Variants in RUVBL1 observed in about 807,000 individuals in gnomAD.
RUVBL1 encodes the protein RuvB like AAA ATPase 1, also known as ruvB-like 1.
RUVBL1 carries 4 observed loss-of-function variants against 52.4 expected under a neutral mutation model. The observed-to-expected ratio is 0.08, with a 90% CI of 0.04 to 0.17. The LOEUF (loss-of-function observed/expected upper bound fraction) is 0.17. Ranked by LOEUF, RUVBL1 falls within the 10% of genes least tolerant of loss-of-function variation. The pLI is 1.00. For missense variants in RUVBL1, 298 were observed against 572.8 expected (o/e 0.52, Z 4.90); for synonymous variants, 217 against 214.4 (o/e 1.01, Z -0.10).
intron 9 of RUVBL1, 29 bp downstream of exon 9, chr3:128,087,677 G>C (rs767286704): frequency 7.1e-6 from 11 of 1,556,738 alleles, no homozygotes; most frequent in Middle Eastern, 1.8e-4. Flanking sequence ...AATGAGAGAA[G>C]AGAGCAGGAG....
intron 1 of RUVBL1, among the ~76,000 whole-genome samples, chr3:128,147,422 C>T (rs1049013771): frequency 4.6e-5 from 7 of 152,150 alleles, no homozygotes; most frequent in Non-Finnish European, 1.0e-4. Context: ...CATAATGAGA[C>T]TCCATCTTTA....
intron 1 of RUVBL1, among the ~76,000 whole-genome samples, chr3:128,140,062 C>T (rs938110146): frequency 5.1e-4 from 78 of 151,748 alleles, no homozygotes; most frequent in African/African-American, 1.8e-3. Context: ...AAATTATGTA[C>T]GCTTGAAATG....
intron 1 of RUVBL1, among the ~76,000 whole-genome samples, chr3:128,150,712 CTA>C (rs1195050060): frequency 1.8e-4 from 20 of 113,242 alleles, no homozygotes; most frequent in African/African-American, 2.4e-4. Flanking sequence ...TATATATATT[CTA>C]TATATTATAT....
At position 128,082,104 on chromosome 3, in the gene RUVBL1, TA is replaced by T. The variant is rs1002181727; in HGVS notation, c.1211+378del. The T allele has an allele frequency of 1.7e-5, 3 of 179,340 alleles. No individual in the cohort carries two copies. The highest frequency in any genetic ancestry group is 3.6e-5 in the Non-Finnish European group (3 of 84,452). 11.1% of individuals were successfully genotyped at this position (179,340 alleles called of 1,614,324 possible). ...TGATGGTTAAATAAATCAAAAAAGT[TA>T]AAGATTTACCAGGCCTCATAACACC... On this transcript the variant is annotated intron_variant, in intron 10 of 10. Transcript: ENST00000322623. This position sits in a 1 kb window ranked among gnomAD's most constrained non-coding sequence, Gnocchi z 4.7.
At chr3:128,071,132 T>C (rs1266915904) in intron 9 of RUVBL1, 1 of 152,324 alleles carries the variant, frequency 6.6e-6, no homozygotes, top group Non-Finnish European at 1.5e-5. Context: ...TCTGGAGACC[T>C]TGCTGGCAGT....
Position 128,113,784 on chromosome 3 carries a change from T to C in RUVBL1, c.229-764A>G, listed in dbSNP as rs143171180. 1.1e-4 allele frequency among the ~76,000 whole-genome samples: 16 copies of C among 152,346 alleles called. 1 individual carries two copies. The highest frequency in any genetic ancestry group is 7.7e-4 in the East Asian group (4 of 5,190). ...AAATTGTTCTCTCAATATCAATATA[T>C]GGCTCTGACCTAATTGCTCCGAATA... On this transcript the variant is annotated intron_variant, in intron 2 of 10. Transcript: ENST00000322623.
At chr3:128,136,468 A>G (rs1248856060) in intron 1 of RUVBL1, among the ~76,000 whole-genome samples, 1 of 152,000 alleles carries the variant, frequency 6.6e-6, no homozygotes, top group Admixed American at 6.6e-5. Flanking sequence ...TCTACAAAAA[A>G]TACAAAAATT....
Position 128,081,182 on chromosome 3 carries a change from G to C in RUVBL1, c.*68C>G, listed in dbSNP as rs1668428941. ...ACGGCAGCCCCAAGCCCAGGGGCAA[G>C]CGCCCACAGGCTGGACCCAGGCCAG... On this transcript the variant is annotated 3_prime_UTR_variant, in exon 11 of 11. Coordinates refer to ENST00000322623, the MANE Select transcript of RUVBL1 (RefSeq NM_003707.3). This position sits in a 1 kb window ranked among gnomAD's most constrained non-coding sequence, Gnocchi z 4.8. The C allele has an allele frequency of 6.5e-7, 1 of 1,538,094 alleles. No homozygotes were observed.
At chr3:128,113,305 T>C (rs1394361153) in intron 2 of RUVBL1, among the ~76,000 whole-genome samples, 4 of 152,278 alleles carry the variant, frequency 2.6e-5, no homozygotes, top group South Asian at 2.1e-4. Context: ...GCCTATGAAA[T>C]AGACACTAGT....
At chr3:128,114,259 G>C (rs1389490376) in intron 2 of RUVBL1, among the ~76,000 whole-genome samples, 1 of 152,222 alleles carries the variant, frequency 6.6e-6, no homozygotes, top group Non-Finnish European at 1.5e-5. Context: ...GCTTGTTACT[G>C]AAGAACAAAG....
chr3:128,069,886 G>A (rs561318023), intron 9 of RUVBL1: 87 of 540,548 alleles, frequency 1.6e-4, no homozygotes, highest in African/African-American at 1.3e-3. Context: ...TTATTCAGCC[G>A]ACTGCCAGAG....
intron 1 of RUVBL1, among the ~76,000 whole-genome samples, chr3:128,135,822 T>C (rs1385059643): frequency 6.6e-6 from 1 of 152,184 alleles, no homozygotes; most frequent in Admixed American, 6.5e-5. Flanking sequence ...GCACTGTAAT[T>C]GTGGTGTGTA....
In RUVBL1 at chr3:128,082,748, C is replaced by T; in HGVS notation, c.1120-174G>A. Reference sequence around the variant, plus strand: ...CCCAGCACTGCCGGCCCGGCACCCTCCAGGAGGCATGTGCGGCCCTGCAGT... The same window carrying T: ...CCCAGCACTGCCGGCCCGGCACCCTTCAGGAGGCATGTGCGGCCCTGCAGT... On this transcript the variant is annotated intron_variant, in intron 9 of 10. Transcript: ENST00000322623. This position sits in a 1 kb window ranked among gnomAD's most constrained non-coding sequence, Gnocchi z 4.7. 1.7e-6 allele frequency: 1 copy of T among 573,120 alleles called. No individual in the cohort carries two copies. 35.5% of individuals were successfully genotyped at this position (573,120 alleles called of 1,614,324 possible).
At chr3:128,152,234 C>A (rs1330707290) in intron 1 of RUVBL1, among the ~76,000 whole-genome samples, 1 of 152,190 alleles carries the variant, frequency 6.6e-6, no homozygotes, top group Non-Finnish European at 1.5e-5. Flanking sequence ...CTCTGTCTAG[C>A]AAGAGCACAT....
chr3:128,105,294 G>T (rs1943206237), intron 3 of RUVBL1, among the ~76,000 whole-genome samples: 1 of 151,324 alleles, frequency 6.6e-6, no homozygotes, highest in Non-Finnish European at 1.5e-5. Context: ...TAATTTTTTT[G>T]TATTTTTGGT....
At chr3:128,073,258 G>A (rs1171426950) in intron 9 of RUVBL1, among the ~76,000 whole-genome samples, 4 of 152,076 alleles carry the variant, frequency 2.6e-5, no homozygotes, top group Admixed American at 2.6e-4. Flanking sequence ...CTTGGCTCAG[G>A]GGCAGCACCC....
At chr3:128,087,505 G>T (rs1311904814) in intron 9 of RUVBL1, among the ~76,000 whole-genome samples, 2 of 152,204 alleles carry the variant, frequency 1.3e-5, no homozygotes, top group African/African-American at 4.8e-5. Flanking sequence ...GACACTTGGG[G>T]CAATGTCTAG....
chr3:128,146,821 C>G (rs892017486), intron 1 of RUVBL1, among the ~76,000 whole-genome samples: 2 of 150,436 alleles, frequency 1.3e-5, no homozygotes, highest in African/African-American at 4.9e-5. Context: ...GTGCATGCAT[C>G]TGTGTGTGTG....
chr3:128,128,617 A>G (rs150643473), upstream of RUVBL1, among the ~76,000 whole-genome samples: 242 of 152,290 alleles, frequency 1.6e-3, 1 homozygote, highest in African/African-American at 5.4e-3. Context: ...TTGCACCATC[A>G]TTTCTACTCA....
Sources: gnomAD v4.1 joint callset for allele counts (sites outside exome capture counted in the v4.1 genomes callset) on GRCh38, gnomAD v4.1.1 for gene constraint, Gnocchi (gnomAD v3.1) non-coding constraint, MANE v1.5 for transcripts, NCBI Gene and HGNC (gene_info 2026-07-23, HGNC 2026-07-21) for gene names.